Variants in ASCC1 observed in about 807,000 individuals in gnomAD.
The protein encoded by ASCC1 is ASC-1 complex subunit P50.
In ASCC1, 35 loss-of-function variants were observed where a neutral mutation model predicts 46.6. The observed-to-expected ratio is 0.75, with a 90% CI of 0.57 to 0.99. The LOEUF (loss-of-function observed/expected upper bound fraction) is 0.99, where lower values mean the gene tolerates loss of function less well. Ranked by LOEUF, ASCC1 falls within the 50% of genes least tolerant of loss-of-function variation. The probability of loss-of-function intolerance (pLI) is 0.00; values close to 1 mark genes in which losing one functional copy is unlikely to be tolerated. For missense variants in ASCC1, 376 were observed against 428.7 expected, an observed-to-expected ratio of 0.88 and a Z score of 1.09; for synonymous variants, 143 against 146.6, an observed-to-expected ratio of 0.98 and a Z score of 0.18.
At chr10:72,175,973 C>G (rs902616333) in intron 5 of ASCC1, among the ~76,000 whole-genome samples, 1 of 152,226 alleles carries the variant, frequency 6.6e-6, no homozygotes, top group African/African-American at 2.4e-5. Flanking sequence ...GGGATTACTA[C>G]AAGTCTTACT....
At chr10:72,163,090 C>T (rs1329385333) in intron 5 of ASCC1, among the ~76,000 whole-genome samples, 1 of 152,036 alleles carries the variant, frequency 6.6e-6, no homozygotes, top group African/African-American at 2.4e-5. Context: ...CATTTCACAC[C>T]CACTAAAAAT....
At chr10:72,204,068 G>A (rs1856868665) in intron 3 of ASCC1, among the ~76,000 whole-genome samples, 1 of 152,172 alleles carries the variant, frequency 6.6e-6, no homozygotes, top group African/African-American at 2.4e-5. Flanking sequence ...GGCCAACATG[G>A]CAAAACCCCA....
chr10:72,114,482 G>A (rs189985840), intron 9 of ASCC1, among the ~76,000 whole-genome samples: 5 of 151,970 alleles, frequency 3.3e-5, no homozygotes, highest in African/African-American at 7.3e-5. Flanking sequence ...AATATTAGCC[G>A]GGCATGGTGG....
At chr10:72,154,980 T>C (rs527578429) in intron 6 of ASCC1, among the ~76,000 whole-genome samples, 1 of 152,268 alleles carries the variant, frequency 6.6e-6, no homozygotes, top group East Asian at 1.9e-4. Flanking sequence ...CATTAAAAAC[T>C]GATATAAAAT....
intron 9 of ASCC1, among the ~76,000 whole-genome samples, chr10:72,107,668 A>T (rs938962776): frequency 6.6e-6 from 1 of 152,220 alleles, no homozygotes; most frequent in Non-Finnish European, 1.5e-5. Context: ...AAAAAAATTG[A>T]TATTTCTTTT....
intron 6 of ASCC1, among the ~76,000 whole-genome samples, chr10:72,155,241 G>A (rs1314840807): frequency 6.6e-6 from 1 of 151,522 alleles, no homozygotes; most frequent in Non-Finnish European, 1.5e-5. Flanking sequence ...GCAACTTTTT[G>A]AACTATGTAA....
intron 9 of ASCC1, among the ~76,000 whole-genome samples, chr10:72,110,748 T>C (rs1482154685): frequency 2.0e-5 from 3 of 152,132 alleles, no homozygotes; most frequent in Non-Finnish European, 4.4e-5. Context: ...GATCACGCCA[T>C]TGCACTCCAG....
chr10:72,132,949 A>G lies in ASCC1; in HGVS notation c.871+108T>C. 6 of 1,451,068 alleles carry G rather than the reference A, an allele frequency of 4.1e-6. No homozygotes were observed. In the South Asian group the frequency reaches 7.0e-5, roughly 17 times the overall value. 89.9% of individuals were successfully genotyped at this position (1,451,068 alleles called of 1,614,324 possible). A position where few individuals can be genotyped will look rare whatever the true frequency, so the allele number is the denominator to read the frequency against. ...TCATCAGAATAAGCTAAGAGGTCTA[A>G]AAAAGAAGCTATATCAGAGATTCTT... On this transcript the variant is annotated intron_variant, in intron 8 of 9. Coordinates refer to ENST00000672957, the MANE Select transcript of ASCC1 (RefSeq NM_001198800.3).
intron 5 of ASCC1, among the ~76,000 whole-genome samples, chr10:72,182,805 G>C (rs893864269): frequency 9.1e-6 from 1 of 109,870 alleles, no homozygotes; most frequent in Admixed American, 8.7e-5. Flanking sequence ...GCAACACCCT[G>C]TCTCTAAAAG....
intron 7 of ASCC1, among the ~76,000 whole-genome samples, chr10:72,152,110 A>G (rs1171024668): frequency 3.3e-5 from 5 of 150,226 alleles, no homozygotes; most frequent in Admixed American, 1.3e-4. Flanking sequence ...CTCCCACCTC[A>G]GCCTCCTGAG....
At chr10:72,110,221 C>G (rs1171600585) in intron 9 of ASCC1, among the ~76,000 whole-genome samples, 1 of 152,214 alleles carries the variant, frequency 6.6e-6, no homozygotes, top group East Asian at 1.9e-4. Flanking sequence ...AATGGTCCCT[C>G]AAACAAATGC....
Position 72,152,884 on chromosome 10 carries a change from T to C in ASCC1, c.731A>G (p.Lys244Arg). Residue 244 changes from lysine to arginine, a missense_variant, in exon 7 of 10, where the codon AAA becomes AGA. Lys to Arg is a conservative substitution (Grantham distance 26). Coordinates refer to ENST00000672957, the MANE Select transcript of ASCC1 (RefSeq NM_001198800.3). ...AGAAATATACCTGTTGGAGCCATCT[T>C]TCATATGGACTTTGGCGTAAAGAAC... ...VDVLYAKVHMKDGSNRLQELV... is the reference protein window; with the variant it reads ...VDVLYAKVHMRDGSNRLQELV... The C allele has an allele frequency of 6.2e-7, 1 of 1,614,162 alleles. No homozygotes were observed. Among genetic ancestry groups the C allele is most frequent in the Non-Finnish European group, 8.5e-7 (1 of 1,180,012 alleles).
intron 5 of ASCC1, among the ~76,000 whole-genome samples, chr10:72,168,754 G>A (rs1353992076): frequency 9.2e-5 from 14 of 152,178 alleles, no homozygotes; most frequent in Non-Finnish European, 1.5e-5. Flanking sequence ...AAAGCACAGA[G>A]AAAAGGCCGG....
chr10:72,190,218 A>T, intron 5 of ASCC1: 1 of 765,708 alleles, frequency 1.3e-6, no homozygotes, highest in Admixed American at 1.7e-5. Context: ...AACTAGCTAA[A>T]GTTTGCCTGA....
At chr10:72,216,852 A>C (rs946722588), upstream of ASCC1, 9 of 456,022 alleles carry the variant, frequency 2.0e-5, no homozygotes, top group Non-Finnish European at 4.0e-5. Flanking sequence ...ATACTTCATC[A>C]TCAGTATTTG....
chr10:72,167,965 G>A (rs1489473397), intron 5 of ASCC1, among the ~76,000 whole-genome samples: 1 of 152,072 alleles, frequency 6.6e-6, no homozygotes, highest in Non-Finnish European at 1.5e-5. Context: ...CCGAGGCAGG[G>A]GGATCACGAG....
chr10:72,131,976 G>A (rs1845666431), intron 8 of ASCC1, among the ~76,000 whole-genome samples: 1 of 147,246 alleles, frequency 6.8e-6, no homozygotes, highest in Admixed American at 7.0e-5. Flanking sequence ...TCAAGCGATT[G>A]TCTTGCCTCA....
At chr10:72,145,906 G>A (rs1348523494) in intron 7 of ASCC1, among the ~76,000 whole-genome samples, 1 of 152,136 alleles carries the variant, frequency 6.6e-6, no homozygotes, top group Non-Finnish European at 1.5e-5. Flanking sequence ...CTTCCTTTAA[G>A]TGGCATATAA....
intron 5 of ASCC1, among the ~76,000 whole-genome samples, chr10:72,165,097 G>GA (rs1564679733): frequency 6.7e-6 from 1 of 149,700 alleles, no homozygotes; most frequent in Admixed American, 6.6e-5. Context: ...ATGAAAACAA[G>GA]AAAAAAAAAG....
Sources: gnomAD v4.1 joint callset for allele counts (sites outside exome capture counted in the v4.1 genomes callset) on GRCh38, gnomAD v4.1.1 for gene constraint, MANE v1.5 for transcripts, NCBI Gene and HGNC (gene_info 2026-07-23, HGNC 2026-07-21) for gene names.